Variants in PCDH15 observed in about 807,000 individuals in gnomAD.
PCDH15 encodes protocadherin-15.
Under a neutral mutation model 178.5 loss-of-function variants are expected in PCDH15, and 129 were observed. The ratio of observed to expected loss-of-function variants is 0.72; its 90% confidence interval spans 0.63 to 0.84. The LOEUF (loss-of-function observed/expected upper bound fraction) is 0.84, where lower values mean the gene tolerates loss of function less well. Among genes scored for constraint, PCDH15 ranks in the 40% least tolerant of loss-of-function variants. The probability of loss-of-function intolerance (pLI) is 0.00; values close to 1 mark genes in which losing one functional copy is unlikely to be tolerated. For missense variants in PCDH15, 2,230 were observed against 2,099.9 expected (o/e 1.06, Z -1.21); for synonymous variants, 800 against 732.0 (o/e 1.09, Z -1.50).
chr10:53,976,553 T>A (rs1418997823), intron 21 of PCDH15, among the ~76,000 whole-genome samples: 1 of 152,156 alleles, frequency 6.6e-6, no homozygotes, highest in Non-Finnish European at 1.5e-5. Flanking sequence ...CACAAACTCC[T>A]CTGCATATAC....
intron 1 of PCDH15, among the ~76,000 whole-genome samples, chr10:54,797,790 G>A (rs1430479728): frequency 6.6e-6 from 1 of 151,936 alleles, no homozygotes; most frequent in East Asian, 1.9e-4. Flanking sequence ...TAGCACACAT[G>A]TGTATGTGTG....
chr10:55,464,666 GTGTA>G (rs1443486930), intron 2 of PCDH15, among the ~76,000 whole-genome samples: 4 of 146,874 alleles, frequency 2.7e-5, no homozygotes, highest in African/African-American at 1.0e-4. Flanking sequence ...GTGTGTGTGT[GTGTA>G]TATATATACA....
chr10:53,809,657 G>A (rs1488391998), intron 37 of PCDH15: 4 of 999,378 alleles, frequency 4.0e-6, no homozygotes, highest in African/African-American at 3.2e-5. Context: ...CTTCATGCAT[G>A]TTATATAACT....
At chr10:54,299,269 GAGAC>G (rs2133223678) in intron 8 of PCDH15, among the ~76,000 whole-genome samples, 1 of 152,106 alleles carries the variant, frequency 6.6e-6, no homozygotes, top group African/African-American at 2.4e-5. Context: ...AAGAGACAGA[GAGAC>G]AGAGAGTCAA....
intron 9 of PCDH15, among the ~76,000 whole-genome samples, chr10:54,224,710 A>G (rs2053241697): frequency 6.6e-6 from 1 of 152,118 alleles, no homozygotes; most frequent in Admixed American, 6.6e-5. Context: ...AGGTTCAAAC[A>G]TATATTAGAA....
intron 24 of PCDH15, among the ~76,000 whole-genome samples, chr10:53,939,718 AGTT>A (rs2085886012): frequency 6.6e-6 from 1 of 152,110 alleles, no homozygotes; most frequent in Non-Finnish European, 1.5e-5. Flanking sequence ...CTAGAAGAGT[AGTT>A]AATACATAAT....
At chr10:54,362,958 C>T (rs1411593737) in intron 5 of PCDH15, among the ~76,000 whole-genome samples, 1 of 151,940 alleles carries the variant, frequency 6.6e-6, no homozygotes, top group Non-Finnish European at 1.5e-5. Context: ...ATACTCGTTT[C>T]TTTAAAAAAT....
chr10:54,458,884 C>T (rs1418695695), intron 3 of PCDH15, among the ~76,000 whole-genome samples: 1 of 152,104 alleles, frequency 6.6e-6, no homozygotes, highest in African/African-American at 2.4e-5. Context: ...TACTAGTGTG[C>T]TCATACTAGT....
intron 2 of PCDH15, among the ~76,000 whole-genome samples, chr10:54,592,803 C>T (rs1023105393): frequency 6.6e-6 from 1 of 152,076 alleles, no homozygotes; most frequent in African/African-American, 2.4e-5. Context: ...ATTTACATTC[C>T]CATCAATATG....
At chr10:53,939,568 A>AT (rs1417972615) in intron 24 of PCDH15, among the ~76,000 whole-genome samples, 1 of 151,530 alleles carries the variant, frequency 6.6e-6, no homozygotes, top group African/African-American at 2.4e-5. Flanking sequence ...TCCTTACTTT[A>AT]TTTTTTCATG....
intron 2 of PCDH15, among the ~76,000 whole-genome samples, chr10:55,376,096 T>G (rs2131995099): frequency 6.6e-6 from 1 of 152,154 alleles, no homozygotes; most frequent in African/African-American, 2.4e-5. Flanking sequence ...ACAGAATATA[T>G]TAGATGATAA....
chr10:55,590,313 T>TG (rs1447675541), intron 2 of PCDH15, among the ~76,000 whole-genome samples: 2 of 40,108 alleles, frequency 5.0e-5, no homozygotes, highest in African/African-American at 8.7e-5. Context: ...GGGACTGTTG[T>TG]GGGGTGGGGG....
intron 18 of PCDH15, among the ~76,000 whole-genome samples, chr10:54,062,253 C>CAAAAAAAAAAAAAAAAAAA (rs769054605): frequency 1.3e-5 from 1 of 75,844 alleles, no homozygotes. Flanking sequence ...AAAAAAAAAA[C>CAAAAAAAAAAAAAAAAAAA]AAAAAACAAC....
intron 33 of PCDH15, chr10:53,818,257 A>C (rs1275394343): frequency 3.1e-6 from 1 of 324,874 alleles, no homozygotes. Flanking sequence ...GCAACAAAAC[A>C]TGCAAAATCT....
chr10:54,022,761 TATTC>T, intron 19 of PCDH15, 127 bp downstream of exon 19: 2 of 905,162 alleles, frequency 2.2e-6, no homozygotes, highest in Non-Finnish European at 3.5e-6. Context: ...AATAAAAATT[TATTC>T]ATTGTTTATC....
At chr10:54,428,800 T>C (rs1447598011) in intron 3 of PCDH15, among the ~76,000 whole-genome samples, 1 of 152,038 alleles carries the variant, frequency 6.6e-6, no homozygotes, top group East Asian at 1.9e-4. Context: ...ACATATAAAG[T>C]GCTGAAGGAA....
intron 1 of PCDH15, among the ~76,000 whole-genome samples, chr10:54,724,177 G>T (rs770727462): frequency 7.9e-5 from 12 of 151,686 alleles, no homozygotes; most frequent in Non-Finnish European, 1.3e-4. Flanking sequence ...GGAAAATGTG[G>T]TGTATACATC....
chr10:55,314,267 T>G (rs1298286387), intron 1 of PCDH15, among the ~76,000 whole-genome samples: 1 of 150,528 alleles, frequency 6.6e-6, no homozygotes, highest in African/African-American at 2.4e-5. Context: ...GGAACCACTC[T>G]TTCTGGACTG....
At chr10:54,934,636 GT>G (rs1462211946) in intron 2 of PCDH15, among the ~76,000 whole-genome samples, 1 of 151,264 alleles carries the variant, frequency 6.6e-6, no homozygotes, top group African/African-American at 2.4e-5. Flanking sequence ...TGGTGGGACT[GT>G]AAACTAGTTC....
Sources: allele counts gnomAD v4.1 joint callset (sites outside exome capture counted in the v4.1 genomes callset), GRCh38; gene constraint gnomAD v4.1.1; transcripts MANE v1.5; gene names NCBI Gene and HGNC (gene_info 2026-07-23, HGNC 2026-07-21).